XKR9: variants seen among roughly 807,000 people sequenced by gnomAD.
The protein encoded by XKR9 is XK related 9.
Under a neutral mutation model 32.0 loss-of-function variants are expected in XKR9, and 32 were observed. The ratio of observed to expected loss-of-function variants is 1.00; its 90% CI spans 0.76 to 1.34. XKR9 has a LOEUF of 1.34. Among genes scored for constraint, XKR9 ranks in the 40% most tolerant of loss-of-function variants. XKR9 has a pLI of 0.00. For synonymous variants in XKR9, 168 were observed against 143.4 expected (o/e 1.17, Z -1.22); for missense variants, 546 against 429.7 (o/e 1.27, Z -2.39).
chr8:70,983,878 A>G, the XKR9 span, among the ~76,000 whole-genome samples: 3 of 150,892 alleles, frequency 2.0e-5, no homozygotes, highest in South Asian at 6.3e-4. Flanking sequence ...AACTTTTGCT[A>G]TTTAAGTCGA....
the XKR9 span, among the ~76,000 whole-genome samples, chr8:71,042,087 A>G: frequency 6.6e-6 from 1 of 152,090 alleles, no homozygotes; most frequent in Non-Finnish European, 1.5e-5. Flanking sequence ...AACCAGAGAG[A>G]GAGTGACTGC....
At chr8:70,834,618 AT>A in the XKR9 span, among the ~76,000 whole-genome samples, 1 of 151,990 alleles carries the variant, frequency 6.6e-6, no homozygotes, top group South Asian at 2.1e-4. Context: ...ATGTTTTTGG[AT>A]TGTAGTTTGG....
the XKR9 span, among the ~76,000 whole-genome samples, chr8:71,013,183 T>C: frequency 1.3e-5 from 2 of 152,110 alleles, no homozygotes; most frequent in Non-Finnish European, 2.9e-5. Context: ...CAGGAGGACA[T>C]TGCCATTTGT....
At chr8:70,727,572 T>A (rs7006615) in intron 4 of XKR9, among the ~76,000 whole-genome samples, 61,175 of 151,744 alleles carry the variant, frequency 0.4, 13,860 homozygotes, top group Non-Finnish European at 0.52. Flanking sequence ...GGCTAATTGT[T>A]TATTTTTAGT....
At chr8:70,988,011 C>T in the XKR9 span, among the ~76,000 whole-genome samples, 6 of 152,304 alleles carry the variant, frequency 3.9e-5, no homozygotes, top group South Asian at 2.1e-4. Flanking sequence ...CAGCCATGGC[C>T]GGAGTGGCTG....
chr8:70,904,878 G>A, the XKR9 span, among the ~76,000 whole-genome samples: 1 of 152,148 alleles, frequency 6.6e-6, no homozygotes, highest in South Asian at 2.1e-4. Flanking sequence ...CTTCACTTAT[G>A]AAGCTTAGTT....
At chr8:70,812,561 A>G in the XKR9 span, among the ~76,000 whole-genome samples, 2 of 152,212 alleles carry the variant, frequency 1.3e-5, no homozygotes, top group Admixed American at 1.3e-4. Context: ...TCAGCCCAAA[A>G]TCTCCTTAAG....
intron 4 of XKR9, among the ~76,000 whole-genome samples, chr8:70,723,812 G>A (rs1453659053): frequency 6.6e-6 from 1 of 152,044 alleles, no homozygotes; most frequent in East Asian, 1.9e-4. Flanking sequence ...ACTTGAGGAG[G>A]CAGTCTGTCC....
chr8:70,815,110 C>T, the XKR9 span, among the ~76,000 whole-genome samples: 1 of 152,208 alleles, frequency 6.6e-6, no homozygotes, highest in African/African-American at 2.4e-5. Context: ...AATGGAAAAA[C>T]ATTCCATACT....
the XKR9 span, among the ~76,000 whole-genome samples, chr8:70,956,689 G>A: frequency 6.6e-6 from 1 of 152,206 alleles, no homozygotes; most frequent in African/African-American, 2.4e-5. Context: ...CCCCAAGTCT[G>A]GAGGTGGCCA....
chr8:70,836,115 G>T, the XKR9 span, among the ~76,000 whole-genome samples: 2 of 151,624 alleles, frequency 1.3e-5, no homozygotes, highest in African/African-American at 2.4e-5. Context: ...AAATTTTTTG[G>T]TGCATTTGAT....
the XKR9 span, among the ~76,000 whole-genome samples, chr8:70,926,521 C>T: frequency 6.6e-6 from 1 of 152,116 alleles, no homozygotes; most frequent in Non-Finnish European, 1.5e-5. Flanking sequence ...ATTTATGATG[C>T]TATAAAAGGA....
chr8:70,926,093 A>G, the XKR9 span, among the ~76,000 whole-genome samples: 1 of 152,094 alleles, frequency 6.6e-6, no homozygotes, highest in Non-Finnish European at 1.5e-5. Context: ...ACTTTTTTTG[A>G]GATGGAATTT....
chr8:70,863,808 C>A, the XKR9 span, among the ~76,000 whole-genome samples: 2 of 152,066 alleles, frequency 1.3e-5, no homozygotes, highest in African/African-American at 4.8e-5. Flanking sequence ...AGAGAACAAC[C>A]ATAATTTTGG....
At chr8:70,785,552 G>A (rs1014355476) in intron 2 of XKR9, among the ~76,000 whole-genome samples, 1 of 133,824 alleles carries the variant, frequency 7.5e-6, no homozygotes, top group Non-Finnish European at 1.7e-5. Flanking sequence ...TGCTTGCTTT[G>A]GGTTTAGTTT....
the XKR9 span, among the ~76,000 whole-genome samples, chr8:71,022,862 C>A: frequency 6.6e-6 from 1 of 151,612 alleles, no homozygotes; most frequent in African/African-American, 2.4e-5. Flanking sequence ...ATTCTTTCTT[C>A]TTGAGCTAGT....
downstream of XKR9, among the ~76,000 whole-genome samples, chr8:70,740,880 G>T (rs1806960501): frequency 6.6e-6 from 1 of 152,204 alleles, no homozygotes; most frequent in South Asian, 2.1e-4. Context: ...GCCCCTCCTG[G>T]GGGTTGCCTC....
chr8:70,951,415 A>G, the XKR9 span, among the ~76,000 whole-genome samples: 5 of 152,232 alleles, frequency 3.3e-5, no homozygotes, highest in African/African-American at 1.2e-4. Context: ...GGGCCTGTTC[A>G]TGGCCAGCTG....
intron 2 of XKR9, among the ~76,000 whole-genome samples, chr8:70,771,561 G>A (rs1807453775): frequency 6.6e-6 from 1 of 152,164 alleles, no homozygotes; most frequent in South Asian, 2.1e-4. Context: ...AAAGGGACAG[G>A]CCTGTTAATA....
Sources: allele counts gnomAD v4.1 joint callset (sites outside exome capture counted in the v4.1 genomes callset), GRCh38; gene constraint gnomAD v4.1.1; transcripts MANE v1.5; gene names NCBI Gene and HGNC (gene_info 2026-07-23, HGNC 2026-07-21).